The following PCBP3 variants were observed in gnomAD, a reference collection of about 807,000 sequenced individuals.
PCBP3 encodes the protein poly(rC) binding protein 3.
PCBP3 carries 25 observed loss-of-function variants against 52.7 expected under a neutral mutation model. The ratio of observed to expected loss-of-function variants is 0.47; its 90% CI spans 0.35 to 0.66. The LOEUF (loss-of-function observed/expected upper bound fraction) is 0.66. PCBP3 is among the 30% of genes least tolerant of loss of function. The pLI is 0.01. For missense variants in PCBP3, 391 were observed against 490.3 expected, an observed-to-expected ratio of 0.80 and a Z score of 1.91; for synonymous variants, 162 against 183.0, an observed-to-expected ratio of 0.89 and a Z score of 0.93.
intron 5 of PCBP3, among the ~76,000 whole-genome samples, chr21:45,891,543 G>A (rs530052231): frequency 2.0e-5 from 3 of 152,336 alleles, no homozygotes; most frequent in Admixed American, 2.0e-4. Flanking sequence ...AGTCTATAGT[G>A]ACCGCAAGTG....
At chr21:45,808,655 G>A (rs538880508) in intron 4 of PCBP3, among the ~76,000 whole-genome samples, 155 of 152,260 alleles carry the variant, frequency 1.0e-3, no homozygotes, top group South Asian at 2.9e-3. Flanking sequence ...TCTAGAACCA[G>A]AAATACCATT....
rs1339082856 is a variant in PCBP3 at position 45,682,527 on chromosome 21, G to A, written c.-200+13575G>A. Among the ~76,000 whole-genome samples the A allele has an allele frequency of 3.3e-5, 5 of 152,278 alleles. No individual in the cohort carries two copies. The East Asian group carries it at 5.8e-4, about 18-fold the overall frequency. On this transcript the variant is annotated intron_variant, in intron 2 of 17. Transcript: ENST00000681687. The stretch of plus-strand genomic sequence containing the variant: ...AACTGAGTGCACTTATCCACGTGAA[G>A]AATAATGGTGGCATATGGCCATAGA...
rs761636593 is a variant in PCBP3 at position 45,805,425 on chromosome 21, G to T, written c.-125-44536G>T. 7.2e-5 allele frequency among the ~76,000 whole-genome samples: 11 copies of T among 152,084 alleles called. No individual in the cohort carries two copies. Among genetic ancestry groups the T allele is most frequent in the Non-Finnish European group, 1.5e-4 (10 of 68,012 alleles). On this transcript the variant is annotated intron_variant, in intron 4 of 17. Coordinates refer to ENST00000681687, the MANE Select transcript of PCBP3 (RefSeq NM_001384156.1). The surrounding 1 kb of genome is among the most constrained non-coding windows in gnomAD (Gnocchi z 4.6). ...CTGTGTGCTGGGCCGTGCGGAGGTGGCCATGGGCAGCCCTTCCTTCTGGAG... is the reference window on the plus strand; with the variant it reads ...CTGTGTGCTGGGCCGTGCGGAGGTGTCCATGGGCAGCCCTTCCTTCTGGAG...
At chr21:45,911,396 C>T (rs1161602045) in intron 11 of PCBP3, 1 of 188,714 alleles carries the variant, frequency 5.3e-6, no homozygotes, top group Non-Finnish European at 1.1e-5. Context: ...CCTTGGGGGG[C>T]AGCTGGGGGT....
At chr21:45,869,493 G>A (rs760619942) in intron 5 of PCBP3, among the ~76,000 whole-genome samples, 1 of 152,184 alleles carries the variant, frequency 6.6e-6, no homozygotes, top group Non-Finnish European at 1.5e-5. Flanking sequence ...CCTGGCAGGT[G>A]GCTGCTCCCT....
At chr21:45,889,344 G>T (rs569678199) in intron 5 of PCBP3, among the ~76,000 whole-genome samples, 2 of 152,264 alleles carry the variant, frequency 1.3e-5, no homozygotes, top group East Asian at 3.8e-4. Context: ...CCTGGGGCCT[G>T]CTTAGAAGCT....
chr21:45,679,954 A>G (rs986935627), intron 2 of PCBP3, among the ~76,000 whole-genome samples: 6 of 152,206 alleles, frequency 3.9e-5, no homozygotes, highest in African/African-American at 1.4e-4. Context: ...TGGAAAGTCT[A>G]TCCTCTCACC....
At chr21:45,679,494 A>G (rs1236272929) in intron 2 of PCBP3, among the ~76,000 whole-genome samples, 1 of 152,216 alleles carries the variant, frequency 6.6e-6, no homozygotes, top group African/African-American at 2.4e-5. Context: ...AATAGACTAC[A>G]GTAGGGTGTA....
intron 9 of PCBP3, among the ~76,000 whole-genome samples, chr21:45,905,027 C>G (rs1298052495): frequency 1.3e-5 from 2 of 152,206 alleles, no homozygotes; most frequent in African/African-American, 4.8e-5. Context: ...TCATCTGGTA[C>G]CACAGCCAGC....
intron 13 of PCBP3, among the ~76,000 whole-genome samples, chr21:45,923,781 T>C (rs9984088): frequency 0.2 from 23,398 of 118,564 alleles, 3,863 homozygotes; most frequent in Middle Eastern, 0.32. Context: ...CTGGAACAGT[T>C]GAGTGGATAG....
At chr21:45,719,205 C>G (rs1321105118) in intron 2 of PCBP3, among the ~76,000 whole-genome samples, 1 of 151,974 alleles carries the variant, frequency 6.6e-6, no homozygotes, top group East Asian at 1.9e-4. Context: ...GGCTTTACCT[C>G]AGAATTAGAG....
Position 45,879,166 on chromosome 21 carries a change from G to A in PCBP3, c.11-17042G>A, listed in dbSNP as rs372422823. ...ACCTGGCTAATTTTTAAAATTTTTC[G>A]TAGAGATGAGGTCTCTCTGTGTTGC... is the stretch of plus-strand genomic sequence containing the variant. On this transcript the variant is annotated intron_variant, in intron 5 of 17. Coordinates refer to ENST00000681687, the MANE Select transcript of PCBP3 (RefSeq NM_001384156.1). 2.1e-4 allele frequency among the ~76,000 whole-genome samples: 32 copies of A among 152,078 alleles called. No individual in the cohort carries two copies. The East Asian group carries it at 3.3e-3, about 16-fold the overall frequency.
intron 5 of PCBP3, among the ~76,000 whole-genome samples, chr21:45,889,080 G>A (rs2095590954): frequency 6.6e-6 from 1 of 152,196 alleles, no homozygotes; most frequent in African/African-American, 2.4e-5. Context: ...CTTTCGTTCT[G>A]GCCCGTGCAC....
At position 45,737,179 on chromosome 21, in the gene PCBP3, G is replaced by A. The variant is rs1386630102; in HGVS notation, c.-162+1750G>A. Among the ~76,000 whole-genome samples, 2 of 152,064 alleles carry A rather than the reference G, an allele frequency of 1.3e-5. No homozygotes were observed. The highest frequency in any genetic ancestry group is 4.8e-5 in the African/African-American group (2 of 41,396). On this transcript the variant is annotated intron_variant, in intron 3 of 17. Transcript: ENST00000681687. This position sits in a 1 kb window ranked among gnomAD's most constrained non-coding sequence, Gnocchi z 4.9. ...CATCAGGGGTCTCACAGGTCATCCC[G>A]AGGCTGCTCTCAGTCCACGTGGCGT... is the stretch of plus-strand genomic sequence containing the variant.
chr21:45,891,858 C>A (rs923329856), intron 5 of PCBP3, among the ~76,000 whole-genome samples: 1 of 152,226 alleles, frequency 6.6e-6, no homozygotes, highest in Non-Finnish European at 1.5e-5. Flanking sequence ...GCCCCGGGGC[C>A]TCTGCGCCCC....
intron 3 of PCBP3, among the ~76,000 whole-genome samples, chr21:45,742,426 T>A (rs1240937955): frequency 1.3e-5 from 2 of 152,250 alleles, no homozygotes; most frequent in African/African-American, 2.4e-5. Flanking sequence ...TAATGTCGTT[T>A]TCCCCCATGC....
intron 2 of PCBP3, among the ~76,000 whole-genome samples, chr21:45,678,050 C>T (rs1476201387): frequency 6.6e-6 from 1 of 152,100 alleles, no homozygotes; most frequent in African/African-American, 2.4e-5. Flanking sequence ...ACTTAAGAAA[C>T]ACATTTTGTG....
intron 4 of PCBP3, among the ~76,000 whole-genome samples, chr21:45,757,505 GACAA>G (rs2088178001): frequency 6.6e-6 from 1 of 152,074 alleles, no homozygotes; most frequent in Non-Finnish European, 1.5e-5. Flanking sequence ...AGTACCTTTT[GACAA>G]ACAAAAGTTT....
At chr21:45,809,484 G>T (rs1315094923) in intron 4 of PCBP3, among the ~76,000 whole-genome samples, 2 of 152,198 alleles carry the variant, frequency 1.3e-5, no homozygotes, top group Non-Finnish European at 1.5e-5. Context: ...GCTCACTGGG[G>T]CTGGAGTTGC....
Sources: allele counts gnomAD v4.1 joint callset (sites outside exome capture counted in the v4.1 genomes callset), GRCh38; gene constraint gnomAD v4.1.1; non-coding constraint Gnocchi (gnomAD v3.1); transcripts MANE v1.5; gene names NCBI Gene and HGNC (gene_info 2026-07-23, HGNC 2026-07-21).